Variants in HECW2 observed in about 807,000 individuals in gnomAD.
HECW2 encodes the protein HECT, C2 and WW domain containing E3 ubiquitin protein ligase 2, also known as E3 ubiquitin-protein ligase HECW2.
HECW2 carries 61 observed loss-of-function variants against 175.2 expected under a neutral mutation model. The ratio of observed to expected loss-of-function variants is 0.35; its 90% CI spans 0.28 to 0.43. The LOEUF (loss-of-function observed/expected upper bound fraction) is 0.43. HECW2 is among the 20% of genes least tolerant of loss of function. The pLI, the probability that HECW2 is intolerant of heterozygous loss-of-function variation, is 1.00. For synonymous variants in HECW2, 671 were observed against 731.0 expected (o/e 0.92, Z 1.32); for missense variants, 1,524 against 2,000.5 (o/e 0.76, Z 4.54).
intron 1 of HECW2, among the ~76,000 whole-genome samples, chr2:196,456,377 T>C (rs554396915): frequency 6.6e-6 from 1 of 152,206 alleles, no homozygotes; most frequent in Non-Finnish European, 1.5e-5. Flanking sequence ...ATACATTATC[T>C]CCTATCACTG....
intron 2 of HECW2, among the ~76,000 whole-genome samples, chr2:196,383,002 T>C (rs746548160): frequency 2.0e-5 from 3 of 152,164 alleles, no homozygotes; most frequent in Admixed American, 1.3e-4. Flanking sequence ...GGGGGATGAA[T>C]TGCAGTAAGA....
intron 13 of HECW2, among the ~76,000 whole-genome samples, chr2:196,300,960 C>T (rs1691026886): frequency 6.6e-6 from 1 of 151,964 alleles, no homozygotes; most frequent in Non-Finnish European, 1.5e-5. Flanking sequence ...GTTTGCTGCA[C>T]AGATCATCCT....
At chr2:196,226,241 C>A (rs1268497273) in intron 22 of HECW2, among the ~76,000 whole-genome samples, 1 of 151,752 alleles carries the variant, frequency 6.6e-6, no homozygotes, top group Non-Finnish European at 1.5e-5. Context: ...CACACACACT[C>A]TCTCTCTCTC....
chr2:196,409,957 T>C lies in HECW2; in HGVS notation c.292+23175A>G, dbSNP rs200211448. On this transcript the variant is annotated intron_variant, in intron 2 of 28. Coordinates refer to ENST00000644978, the MANE Select transcript of HECW2 (RefSeq NM_001348768.2). ...TCATAAAAAGATTTGCTAAAGTCAA[T>C]TCCCTGGTTTGGTAGAGTTTGGGGG... Among the ~76,000 whole-genome samples the C allele has an allele frequency of 3.3e-5, 5 of 152,202 alleles. No individual in the cohort carries two copies. The East Asian group carries it at 9.6e-4, about 29-fold the overall frequency.
Position 196,278,827 on chromosome 2 carries a change from T to G in HECW2, c.3001-165A>C, listed in dbSNP as rs1690076923. On this transcript the variant is annotated intron_variant, in intron 14 of 28. Transcript: ENST00000644978. ...TTTCTCCTTACCCACACAGGACAGATCAGATTAGAGAAAGCCAAGCTTAGA... is the reference window on the plus strand; with the variant it reads ...TTTCTCCTTACCCACACAGGACAGAGCAGATTAGAGAAAGCCAAGCTTAGA... 4.3e-6 allele frequency: 3 copies of G among 696,124 alleles called. No individual in the cohort carries two copies. The African/African-American group carries it at 5.4e-5, about 13-fold the overall frequency. 43.1% of individuals were successfully genotyped at this position (696,124 alleles called of 1,614,324 possible).
chr2:196,327,577 T>A (rs1488069972), intron 5 of HECW2, among the ~76,000 whole-genome samples: 1 of 152,212 alleles, frequency 6.6e-6, no homozygotes, highest in African/African-American at 2.4e-5. Context: ...CCATAGATAA[T>A]CAAGAGTGGA....
intron 1 of HECW2, among the ~76,000 whole-genome samples, chr2:196,576,754 A>C (rs1690575807): frequency 6.6e-6 from 1 of 152,226 alleles, no homozygotes; most frequent in South Asian, 2.1e-4. Flanking sequence ...AAATGTTAAC[A>C]AGCATTGTGG....
Position 196,201,262 on chromosome 2 carries a change from C to T in HECW2, c.*15G>A, listed in dbSNP as rs1012679169. On this transcript the variant is annotated 3_prime_UTR_variant, in exon 29 of 29. Transcript: ENST00000644978. ...GAACCTGCCTGTCCACAGAGATGGG[C>T]ATTCAGCTTCCAGGTCACTCAAGTC... 14 of 1,520,848 alleles carry T rather than the reference C, an allele frequency of 9.2e-6. No individual in the cohort carries two copies. Among genetic ancestry groups the T allele is most frequent in the African/African-American group, 1.4e-5 (1 of 72,946 alleles). The allele number at this position is 1,520,848 out of a possible 1,614,324, so 94.2% of individuals were successfully genotyped here. A position where few individuals can be genotyped will look rare whatever the true frequency, so the allele number is the denominator to read the frequency against.
intron 21 of HECW2, among the ~76,000 whole-genome samples, chr2:196,230,594 G>A (rs542487790): frequency 1.3e-5 from 2 of 152,184 alleles, no homozygotes; most frequent in South Asian, 4.2e-4. Flanking sequence ...AGACTTGATC[G>A]TAACACTCCA....
chr2:196,252,246 C>T (rs1688885818), intron 19 of HECW2, among the ~76,000 whole-genome samples: 1 of 150,654 alleles, frequency 6.6e-6, no homozygotes, highest in South Asian at 2.1e-4. Flanking sequence ...CCCTAGCCTA[C>T]CTTTCCAACC....
chr2:196,247,963 CA>C (rs1688709183), intron 19 of HECW2, among the ~76,000 whole-genome samples: 1 of 152,196 alleles, frequency 6.6e-6, no homozygotes, highest in Non-Finnish European at 1.5e-5. Context: ...ACATTTAAAA[CA>C]AATGCCCTGT....
At chr2:196,204,804 T>C (rs1425511228) in intron 28 of HECW2, among the ~76,000 whole-genome samples, 1 of 152,232 alleles carries the variant, frequency 6.6e-6, no homozygotes. Context: ...TAGAATCATC[T>C]ATCCAGGACA....
chr2:196,536,690 C>T (rs988532676), intron 1 of HECW2, among the ~76,000 whole-genome samples: 1 of 152,160 alleles, frequency 6.6e-6, no homozygotes, highest in Non-Finnish European at 1.5e-5. Context: ...AGCAAATAAT[C>T]TTCAGGAGCA....
chr2:196,222,123 C>G, intron 24 of HECW2, 88 bp downstream of exon 24: 1 of 1,176,108 alleles, frequency 8.5e-7, no homozygotes, highest in Non-Finnish European at 1.2e-6. Flanking sequence ...AATAAATAAG[C>G]ATCTGATCTT....
chr2:196,391,522 T>C (rs1575492913), intron 2 of HECW2, among the ~76,000 whole-genome samples: 1 of 152,356 alleles, frequency 6.6e-6, no homozygotes, highest in African/African-American at 2.4e-5. Context: ...TTTTAGATGA[T>C]AGGATCTCAC....
chr2:196,345,665 C>T (rs1440330933), intron 2 of HECW2, among the ~76,000 whole-genome samples: 1 of 152,190 alleles, frequency 6.6e-6, no homozygotes, highest in Non-Finnish European at 1.5e-5. Context: ...GGTTAAGCCA[C>T]TGTGGTTGTG....
chr2:196,364,054 C>T (rs1693677252), intron 2 of HECW2, among the ~76,000 whole-genome samples: 1 of 152,100 alleles, frequency 6.6e-6, no homozygotes, highest in Admixed American at 6.5e-5. Flanking sequence ...AGAGACTCAC[C>T]TACTCTGCTT....
chr2:196,556,731 G>A (rs570829849), intron 1 of HECW2, among the ~76,000 whole-genome samples: 3 of 152,284 alleles, frequency 2.0e-5, no homozygotes, highest in Admixed American at 1.3e-4. Context: ...AAACATAGAC[G>A]ATGGTGTAAT....
In HECW2 at chr2:196,413,038, G is replaced by C. The variant is rs147719776; in HGVS notation, c.292+20094C>G. Among the ~76,000 whole-genome samples the C allele has an allele frequency of 2.0e-3, 302 of 152,276 alleles. 2 individuals are homozygous for C. The highest frequency in any genetic ancestry group is 2.8e-3 in the Non-Finnish European group (188 of 68,022). ...TTAATCAGGTGGAGAGCTGCCCTAA[G>C]AATTATATGAAATATGAAATAACAT... On this transcript the variant is annotated intron_variant, in intron 2 of 28. Coordinates refer to ENST00000644978, the MANE Select transcript of HECW2 (RefSeq NM_001348768.2).
Sources: allele counts gnomAD v4.1 joint callset (sites outside exome capture counted in the v4.1 genomes callset), GRCh38; gene constraint gnomAD v4.1.1; transcripts MANE v1.5; gene names NCBI Gene and HGNC (gene_info 2026-07-23, HGNC 2026-07-21).